Variants in SORCS3 observed in about 807,000 individuals in gnomAD.
SORCS3 encodes VPS10 domain-containing receptor SorCS3.
In SORCS3, 57 loss-of-function variants were observed where a neutral mutation model predicts 146.3. The observed-to-expected ratio is 0.39, with a 90% CI of 0.31 to 0.49. The LOEUF (loss-of-function observed/expected upper bound fraction) is 0.49, where lower values mean the gene tolerates loss of function less well. SORCS3 is among the 20% of genes least tolerant of loss of function. The pLI is 0.92. For synonymous variants in SORCS3, 653 were observed against 618.5 expected (o/e 1.06, Z -0.83); for missense variants, 1,341 against 1,575.5 (o/e 0.85, Z 2.52).
chr10:105,231,207 T>C (rs2056763553), intron 20 of SORCS3, among the ~76,000 whole-genome samples: 1 of 152,240 alleles, frequency 6.6e-6, no homozygotes, highest in African/African-American at 2.4e-5. Flanking sequence ...AGTGTGATTG[T>C]CTAGTCACTA....
At chr10:104,812,265 C>T (rs2017749582) in intron 1 of SORCS3, among the ~76,000 whole-genome samples, 1 of 152,120 alleles carries the variant, frequency 6.6e-6, no homozygotes, top group Non-Finnish European at 1.5e-5. Flanking sequence ...TTTCCTTATT[C>T]CAGCAGTTGC....
intron 4 of SORCS3, among the ~76,000 whole-genome samples, chr10:105,024,968 T>C (rs1208888879): frequency 2.6e-5 from 4 of 152,176 alleles, no homozygotes; most frequent in Non-Finnish European, 5.9e-5. Context: ...TGAATTTCTA[T>C]AGTGAGTTCT....
chr10:104,837,976 C>A (rs1453567507), intron 1 of SORCS3, among the ~76,000 whole-genome samples: 1 of 152,074 alleles, frequency 6.6e-6, no homozygotes, highest in African/African-American at 2.4e-5. Flanking sequence ...GCTGTGGGGG[C>A]AATTTGCTTA....
At chr10:104,693,599 A>C (rs902434199) in intron 1 of SORCS3, among the ~76,000 whole-genome samples, 1 of 152,122 alleles carries the variant, frequency 6.6e-6, no homozygotes, top group Admixed American at 6.6e-5. Context: ...CCATACGGAC[A>C]CAGTGCTAAG....
chr10:104,998,394 G>A (rs1483074924), intron 4 of SORCS3, among the ~76,000 whole-genome samples: 2 of 152,094 alleles, frequency 1.3e-5, no homozygotes, highest in African/African-American at 4.8e-5. Flanking sequence ...GATGTGCTAA[G>A]CACTGTTTTG....
chr10:105,089,858 A>C lies in SORCS3; in HGVS notation c.1093+19A>C. On this transcript the variant is annotated intron_variant, in intron 6 of 26. Transcript: ENST00000369701. ...GATGGATGTGAGTTCTGCTACAGCC[A>C]GGCTAGGCCCAGGGAGATCTGCCTG... 1 of 1,609,380 alleles carries C rather than the reference A, an allele frequency of 6.2e-7. No individual in the cohort carries two copies. Among genetic ancestry groups the C allele is most frequent in the Non-Finnish European group, 8.5e-7 (1 of 1,175,712 alleles).
intron 9 of SORCS3, among the ~76,000 whole-genome samples, chr10:105,151,928 C>T (rs937711940): frequency 6.6e-6 from 1 of 152,120 alleles, no homozygotes; most frequent in Non-Finnish European, 1.5e-5. Context: ...CAAGCCGACT[C>T]CTTCAAAACA....
chr10:104,823,864 C>T (rs1055196397), intron 1 of SORCS3, among the ~76,000 whole-genome samples: 1 of 152,126 alleles, frequency 6.6e-6, no homozygotes, highest in African/African-American at 2.4e-5. Context: ...AATTATTTGG[C>T]TGGGTACAAT....
chr10:104,725,779 C>T (rs539872096), intron 1 of SORCS3, among the ~76,000 whole-genome samples: 8 of 152,328 alleles, frequency 5.3e-5, no homozygotes, highest in South Asian at 4.1e-4. Flanking sequence ...CTGAGCCATG[C>T]GCGGGATATA....
intron 2 of SORCS3, among the ~76,000 whole-genome samples, chr10:104,893,812 A>G (rs1333627553): frequency 6.6e-6 from 1 of 152,156 alleles, no homozygotes; most frequent in African/African-American, 2.4e-5. Flanking sequence ...CATGCTTAGT[A>G]GTCTGGTCAG....
chr10:105,059,441 A>C (rs1266321714), intron 5 of SORCS3, among the ~76,000 whole-genome samples: 1 of 152,200 alleles, frequency 6.6e-6, no homozygotes, highest in East Asian at 1.9e-4. Flanking sequence ...TTTTATTAAC[A>C]TTATGACATG....
intron 3 of SORCS3, among the ~76,000 whole-genome samples, chr10:104,944,346 A>G (rs75327078): frequency 2.0e-5 from 3 of 152,208 alleles, no homozygotes; most frequent in Non-Finnish European, 4.4e-5. Flanking sequence ...TTTTGACTAT[A>G]GAAGAAAAGA....
intron 1 of SORCS3, among the ~76,000 whole-genome samples, chr10:104,773,424 T>C (rs2017274273): frequency 6.6e-6 from 1 of 152,262 alleles, no homozygotes; most frequent in Non-Finnish European, 1.5e-5. Context: ...AGCTGTTTAA[T>C]GCACATCAGT....
intron 1 of SORCS3, among the ~76,000 whole-genome samples, chr10:104,686,566 T>C (rs2016045816): frequency 1.3e-5 from 2 of 152,060 alleles, no homozygotes. Flanking sequence ...CCAGGAAGAC[T>C]CAGGAACCCT....
At chr10:105,167,396 T>C in intron 13 of SORCS3, 47 bp downstream of exon 13, 1 of 1,369,278 alleles carries the variant, frequency 7.3e-7, no homozygotes, top group South Asian at 1.2e-5. Context: ...AGCAGCTTTT[T>C]AGTGGAGAGG....
At chr10:105,187,700 T>C (rs2056487842) in intron 14 of SORCS3, among the ~76,000 whole-genome samples, 1 of 152,216 alleles carries the variant, frequency 6.6e-6, no homozygotes, top group African/African-American at 2.4e-5. Flanking sequence ...TAAAAGAGGA[T>C]TCGGGAGTCC....
chr10:104,964,329 A>C (rs530208067), intron 3 of SORCS3, among the ~76,000 whole-genome samples: 5 of 152,196 alleles, frequency 3.3e-5, no homozygotes, highest in Admixed American at 2.6e-4. Flanking sequence ...TGCAAATGCT[A>C]CTTTCCCAAT....
At chr10:104,654,874 T>C (rs926327745) in intron 1 of SORCS3, among the ~76,000 whole-genome samples, 3 of 152,160 alleles carry the variant, frequency 2.0e-5, no homozygotes, top group Admixed American at 2.0e-4. Context: ...ATCGGTAGTA[T>C]AAGGTGGGGG....
chr10:104,956,084 G>A (rs2019486773), intron 3 of SORCS3, among the ~76,000 whole-genome samples: 1 of 152,130 alleles, frequency 6.6e-6, no homozygotes. Context: ...AATAACTGCA[G>A]CAATGACATC....
Sources: allele counts gnomAD v4.1 joint callset (sites outside exome capture counted in the v4.1 genomes callset), GRCh38; gene constraint gnomAD v4.1.1; transcripts MANE v1.5; gene names NCBI Gene and HGNC (gene_info 2026-07-23, HGNC 2026-07-21).